The following PARK7 variants were observed in gnomAD, a reference collection of about 807,000 sequenced individuals.
PARK7 encodes the protein Parkinsonism associated deglycase.
In PARK7, 14 loss-of-function variants were observed where a neutral mutation model predicts 20.5. The ratio of observed to expected loss-of-function variants is 0.68; its 90% confidence interval spans 0.45 to 1.07. The LOEUF is 1.07. Ranked by LOEUF, PARK7 falls within the 50% of genes least tolerant of loss-of-function variation. PARK7 has a pLI of 0.00. For synonymous variants in PARK7, 98 were observed against 84.3 expected (o/e 1.16, Z -0.89); for missense variants, 234 against 238.1 (o/e 0.98, Z 0.11).
chr1:7,981,815 C>T (rs1240539304), intron 6 of PARK7, among the ~76,000 whole-genome samples: 2 of 151,614 alleles, frequency 1.3e-5, no homozygotes, highest in African/African-American at 2.4e-5. Context: ...CCCGCCACCA[C>T]GCCTGGCTTA....
rs755153050 is a variant in PARK7 at position 7,970,881 on chromosome 1, T to C, written c.253-13T>C. 6.2e-7 allele frequency: 1 copy of C among 1,614,098 alleles called. No individual in the cohort carries two copies. The highest frequency in any genetic ancestry group is 2.2e-5 in the East Asian group (1 of 44,888). On this transcript the variant is annotated splice_polypyrimidine_tract_variant and intron_variant, in intron 4 of 6. Coordinates refer to ENST00000338639, the MANE Select transcript of PARK7 (RefSeq NM_007262.5). The stretch of plus-strand genomic sequence containing the variant: ...ATGATAACTTTATGTATTTTTGGTT[T>C]TCTTTTCACTAGTCTGCTGCTGTGA...
At chr1:7,962,911 T>A in intron 2 of PARK7, 36 bp downstream of exon 2, 1 of 1,521,190 alleles carries the variant, frequency 6.6e-7, no homozygotes, top group Non-Finnish European at 9.1e-7. Context: ...ATTCCTGTTT[T>A]AAATGTTTTT....
At chr1:7,967,966 T>G (rs568918339) in intron 3 of PARK7, among the ~76,000 whole-genome samples, 2 of 152,076 alleles carry the variant, frequency 1.3e-5, no homozygotes, top group Admixed American at 1.3e-4. Flanking sequence ...ACATTTTTAT[T>G]TTGTAATTTG....
intron 3 of PARK7, among the ~76,000 whole-genome samples, chr1:7,968,607 C>T (rs967564506): frequency 1.3e-5 from 2 of 152,058 alleles, no homozygotes; most frequent in Non-Finnish European, 2.9e-5. Flanking sequence ...CCTCTGCCTC[C>T]TAGGTTCAAG....
At chr1:7,978,365 C>T (rs1346712234) in intron 6 of PARK7, among the ~76,000 whole-genome samples, 6 of 149,278 alleles carry the variant, frequency 4.0e-5, no homozygotes, top group African/African-American at 9.9e-5. Flanking sequence ...TGTTAGCCAC[C>T]GCGCCTGGCC....
At chr1:7,978,420 T>G (rs1296947343) in intron 6 of PARK7, among the ~76,000 whole-genome samples, 1 of 145,388 alleles carries the variant, frequency 6.9e-6, no homozygotes, top group East Asian at 2.1e-4. Context: ...AGATGGAGTC[T>G]CTCGCTCTGT....
intron 2 of PARK7, among the ~76,000 whole-genome samples, chr1:7,964,968 A>G (rs2151428481): frequency 6.6e-6 from 1 of 152,372 alleles, no homozygotes; most frequent in African/African-American, 2.4e-5. Context: ...TGTCCCGGGC[A>G]AACCAGGGTA....
chr1:7,965,346 TG>T lies in PARK7; in HGVS notation c.115del (p.Ala39LeufsTer50). On this transcript the variant is annotated frameshift_variant, in exon 3 of 7. Coordinates refer to ENST00000338639, the MANE Select transcript of PARK7 (RefSeq NM_007262.5). LOFTEE classifies it high-confidence loss of function. ...RAGIKVTVAG[L>X]AGKDPVQCSR... ...TAGATTAAGGTCACCGTTGCAGGCCTGGCTGGAAAAGACCCAGTACAGTGTA... is the reference window on the plus strand; with the variant it reads ...TAGATTAAGGTCACCGTTGCAGGCCTGCTGGAAAAGACCCAGTACAGTGTA... 1 of 1,614,188 alleles carries T rather than the reference TG, an allele frequency of 6.2e-7. No individual in the cohort carries two copies. The highest frequency in any genetic ancestry group is 8.5e-7 in the Non-Finnish European group (1 of 1,180,014).
intron 3 of PARK7, among the ~76,000 whole-genome samples, chr1:7,966,900 A>T (rs2151429551): frequency 6.6e-6 from 1 of 152,308 alleles, no homozygotes. Flanking sequence ...CATATCCATC[A>T]TCTCAAACAT....
At chr1:7,975,491 C>T (rs561227128) in intron 5 of PARK7, among the ~76,000 whole-genome samples, 9 of 152,274 alleles carry the variant, frequency 5.9e-5, no homozygotes, top group South Asian at 2.1e-4. Flanking sequence ...TGGTCAGCTG[C>T]GCCCTCTGCA....
chr1:7,977,703 C>T lies in PARK7; in HGVS notation c.374C>T (p.Thr125Ile), dbSNP rs1372915099. 5 of 1,614,110 alleles carry T rather than the reference C, an allele frequency of 3.1e-6. No homozygotes were observed. The highest frequency in any genetic ancestry group is 4.2e-6 in the Non-Finnish European group (5 of 1,179,972). ...HEIGFGSKVTTHPLAKDKMMN... is the reference protein window; with the variant it reads ...HEIGFGSKVTIHPLAKDKMMN... ...ATAGGTTTTGGAAGTAAAGTTACAACACACCCTCTTGCTAAAGACAAAATG... is the reference window on the plus strand; with the variant it reads ...ATAGGTTTTGGAAGTAAAGTTACAATACACCCTCTTGCTAAAGACAAAATG... Residue 125 changes from threonine to isoleucine, a missense_variant, in exon 6 of 7, where the codon ACA becomes ATA. Coordinates refer to ENST00000338639, the MANE Select transcript of PARK7 (RefSeq NM_007262.5).
At chr1:7,976,044 T>A (rs1490539529) in intron 5 of PARK7, among the ~76,000 whole-genome samples, 4 of 152,204 alleles carry the variant, frequency 2.6e-5, no homozygotes, top group Admixed American at 1.3e-4. Context: ...CTTATGTAAT[T>A]AGGTAGTATT....
chr1:7,979,986 C>G (rs1223451423), intron 6 of PARK7, among the ~76,000 whole-genome samples: 1 of 151,904 alleles, frequency 6.6e-6, no homozygotes, highest in Non-Finnish European at 1.5e-5. Flanking sequence ...GGTGAAACCC[C>G]GTCTCTACTA....
At chr1:7,966,947 A>G (rs1051675278) in intron 3 of PARK7, among the ~76,000 whole-genome samples, 3 of 152,166 alleles carry the variant, frequency 2.0e-5, no homozygotes, top group Non-Finnish European at 4.4e-5. Flanking sequence ...CCTCCTTGCT[A>G]TTTGAAACTA....
In PARK7 at chr1:7,971,033, A is replaced by C. The variant is rs1007569899; in HGVS notation, c.322+70A>C. On this transcript the variant is annotated intron_variant, in intron 5 of 6. Coordinates refer to ENST00000338639, the MANE Select transcript of PARK7 (RefSeq NM_007262.5). ...GGGTAGCCTTTCATTCGATGGTTTGATTCCAAATAGCTCTTCCCCTTCATA... is the reference window on the plus strand; with the variant it reads ...GGGTAGCCTTTCATTCGATGGTTTGCTTCCAAATAGCTCTTCCCCTTCATA... 3.3e-6 allele frequency: 5 copies of C among 1,501,168 alleles called. No individual in the cohort carries two copies. In the African/African-American group the frequency reaches 5.5e-5, roughly 17 times the overall value. The allele number at this position is 1,501,168 out of a possible 1,614,324, so 93.0% of individuals were successfully genotyped here.
Position 7,980,534 on chromosome 1 carries a change from G to A in PARK7, c.409+2796G>A, listed in dbSNP as rs546666740. Among the ~76,000 whole-genome samples the A allele has an allele frequency of 1.6e-3, 246 of 152,256 alleles. 1 individual carries two copies. Among genetic ancestry groups the A allele is most frequent in the Middle Eastern group, 6.8e-3 (2 of 294 alleles). Reference sequence around the variant, plus strand: ...CAGCAAGGCAGGTGGCATCATCCTGGCTTCACAAACAAGGAGAGACTGAGG... The same window carrying A: ...CAGCAAGGCAGGTGGCATCATCCTGACTTCACAAACAAGGAGAGACTGAGG... On this transcript the variant is annotated intron_variant, in intron 6 of 6. Transcript: ENST00000338639.
At chr1:7,965,213 G>A (rs1475683629) in intron 2 of PARK7, 111 bp from the exon 3 acceptor site, 14 of 946,368 alleles carry the variant, frequency 1.5e-5, no homozygotes, top group Non-Finnish European at 2.2e-5. Context: ...CTGCCCTCTA[G>A]CCCAGGTGAC....
At chr1:7,968,804 AGT>A (rs1640387456) in intron 3 of PARK7, among the ~76,000 whole-genome samples, 1 of 152,214 alleles carries the variant, frequency 6.6e-6, no homozygotes, top group African/African-American at 2.4e-5. Flanking sequence ...GACATGAGCC[AGT>A]GTGCCCAGCC....
chr1:7,976,812 C>T lies in PARK7; in HGVS notation c.323-840C>T, dbSNP rs929873754. 2.0e-5 allele frequency among the ~76,000 whole-genome samples: 3 copies of T among 152,310 alleles called. No individual in the cohort carries two copies. The East Asian group carries it at 5.8e-4, about 29-fold the overall frequency. On this transcript the variant is annotated intron_variant, in intron 5 of 6. Coordinates refer to ENST00000338639, the MANE Select transcript of PARK7 (RefSeq NM_007262.5). ...CTTGGCTCACTGAAAGCTCTGCCTC[C>T]CGGGTTCACCCCATTCTCCTGCCTC...
Sources: allele counts gnomAD v4.1 joint callset (sites outside exome capture counted in the v4.1 genomes callset), GRCh38; gene constraint gnomAD v4.1.1; transcripts MANE v1.5; gene names NCBI Gene and HGNC (gene_info 2026-07-23, HGNC 2026-07-21).